FTSJ1: variants seen among roughly 807,000 people sequenced by gnomAD.
FTSJ1 encodes the protein tRNA (cytidine(32)/guanosine(34)-2'-O)-methyltransferase.
A neutral mutation model predicts 28.5 loss-of-function variants in FTSJ1; 3 were observed. The observed-to-expected ratio is 0.11, with a 90% CI of 0.05 to 0.27. The LOEUF (loss-of-function observed/expected upper bound fraction) is 0.27, where lower values mean the gene tolerates loss of function less well. Ranked by LOEUF, FTSJ1 falls within the 10% of genes least tolerant of loss-of-function variation. The pLI, the probability that FTSJ1 is intolerant of heterozygous loss-of-function variation, is 1.00. For missense variants in FTSJ1, 162 were observed against 279.0 expected (o/e 0.58, Z 2.99); for synonymous variants, 104 against 113.9 (o/e 0.91, Z 0.55).
chrX:48,481,986 C>T (rs2061572691), intron 9 of FTSJ1, among the ~76,000 whole-genome samples: 1 of 112,107 alleles, frequency 8.9e-6, no homozygotes, highest in Admixed American at 9.4e-5. Flanking sequence ...TGAGCCCTGC[C>T]CCAGTGGAGA....
chrX:48,482,935 A>G, intron 11 of FTSJ1, 51 bp from the exon 12 acceptor site: 1 of 1,209,113 alleles, frequency 8.3e-7, no homozygotes, highest in Non-Finnish European at 1.1e-6. Flanking sequence ...AAGCATAATG[A>G]ATGGAAAAGT....
intron 1 of FTSJ1, chrX:48,476,684 G>A (rs782147438): frequency 7.7e-6 from 1 of 130,073 alleles, no homozygotes. Context: ...GATGAGGAGG[G>A]ACGGGGAGTG....
In FTSJ1 at chrX:48,485,782, G is replaced by A. The variant is rs1556969946; in HGVS notation, c.*56G>A. The A allele has an allele frequency of 8.9e-6, 1 of 112,634 alleles. No homozygotes were observed. 9.3% of individuals were successfully genotyped at this position (112,634 alleles called of 1,213,427 possible). A position where few individuals can be genotyped will look rare whatever the true frequency, so the allele number is the denominator to read the frequency against. Reference sequence around the variant, plus strand: ...GAAACTGCTCAATGTCAGGAAAACCGGAACTTGTTGATGAACTTGTTTTCA... The same window carrying A: ...GAAACTGCTCAATGTCAGGAAAACCAGAACTTGTTGATGAACTTGTTTTCA... On this transcript the variant is annotated 3_prime_UTR_variant, in exon 13 of 13. Coordinates refer to ENST00000348411, the MANE Select transcript of FTSJ1 (RefSeq NM_012280.4).
chrX:48,478,308 C>A, intron 2 of FTSJ1, 140 bp downstream of exon 2: 1 of 836,899 alleles, frequency 1.2e-6, no homozygotes, highest in Non-Finnish European at 1.7e-6. Context: ...GGAAGATAGG[C>A]AGAATACCGG....
Position 48,478,187 on chromosome X carries a change from G to C in FTSJ1, c.121+19G>C. On this transcript the variant is annotated intron_variant, in intron 2 of 12. Transcript: ENST00000348411. ...TTCCAAGGTCCCTGACTGGTGGGCA[G>C]GTCACTGGGCGGTGAGGTGGGCACA... 8.3e-7 allele frequency: 1 copy of C among 1,199,244 alleles called. No homozygotes were observed. Among genetic ancestry groups the C allele is most frequent in the Non-Finnish European group, 1.1e-6 (1 of 886,749 alleles).
intron 1 of FTSJ1, 114 bp from the exon 2 acceptor site, chrX:48,477,847 C>T: frequency 2.0e-6 from 1 of 511,976 alleles, no homozygotes; most frequent in Non-Finnish European, 3.3e-6. Context: ...TCCTTCAGGC[C>T]CTATAAGGTC....
At chrX:48,485,022 G>A (rs1438242361) in intron 12 of FTSJ1, among the ~76,000 whole-genome samples, 8 of 111,726 alleles carry the variant, frequency 7.2e-5, no homozygotes, top group African/African-American at 2.0e-4. Context: ...GCCGGGTGCC[G>A]TGGCTCAACG....
In FTSJ1 at chrX:48,481,534, TG is replaced by T. The variant is rs782444762; in HGVS notation, c.571+10del. On this transcript the variant is annotated splice_region_variant and intron_variant, in intron 8 of 12. Transcript: ENST00000348411. ...CAGCCGGAACTCTAGCATCGGTCAG[TG>T]GGGTGGAGGGGCCAGGCAGGCAGAG... The T allele has an allele frequency of 5.3e-5, 63 of 1,198,192 alleles. No homozygotes were observed. Among genetic ancestry groups the T allele is most frequent in the Non-Finnish European group, 6.6e-5 (58 of 883,978 alleles).
At chrX:48,485,059 C>G (rs1436369283) in intron 12 of FTSJ1, among the ~76,000 whole-genome samples, 9 of 111,312 alleles carry the variant, frequency 8.1e-5, no homozygotes, top group Non-Finnish European at 1.7e-4. Flanking sequence ...TTTGGGAGGC[C>G]GAGGTGGGTG....
rs375666026 is a variant in FTSJ1 at position 48,483,077 on chromosome X, A to G, written c.*9+50A>G. 13 of 970,074 alleles carry G rather than the reference A, an allele frequency of 1.3e-5. No homozygotes were observed. The East Asian group carries it at 3.7e-4, about 27-fold the overall frequency. 79.9% of individuals were successfully genotyped at this position (970,074 alleles called of 1,213,427 possible). On this transcript the variant is annotated intron_variant, in intron 12 of 12. Coordinates refer to ENST00000348411, the MANE Select transcript of FTSJ1 (RefSeq NM_012280.4). The stretch of plus-strand genomic sequence containing the variant: ...GTTTGAGTAAGGGCAACCTTTATGA[A>G]AAACCTCAGTAAAATTTCACCTTTG...
At position 48,478,198 on chromosome X, in the gene FTSJ1, G is replaced by A. The variant is rs200231120; in HGVS notation, c.121+30G>A. 3.8e-4 allele frequency: 453 copies of A among 1,178,228 alleles called. 1 individual carries two copies. The African/African-American group carries it at 6.1e-3, about 16-fold the overall frequency. ...CTGACTGGTGGGCAGGTCACTGGGC[G>A]GTGAGGTGGGCACAGGAGGTAAACA... On this transcript the variant is annotated intron_variant, in intron 2 of 12. Coordinates refer to ENST00000348411, the MANE Select transcript of FTSJ1 (RefSeq NM_012280.4).
intron 1 of FTSJ1, among the ~76,000 whole-genome samples, chrX:48,477,685 G>A (rs2061541797): frequency 1.8e-5 from 2 of 110,978 alleles, no homozygotes; most frequent in African/African-American, 6.6e-5. Flanking sequence ...GAGTGTGGGT[G>A]ACAGTGATGG....
chrX:48,477,584 G>C (rs959866575), intron 1 of FTSJ1, among the ~76,000 whole-genome samples: 3 of 111,129 alleles, frequency 2.7e-5, no homozygotes, highest in Non-Finnish European at 5.7e-5. Flanking sequence ...AGGGGCAATG[G>C]GGACAACTGG....
At chrX:48,481,050 G>A in intron 5 of FTSJ1, 101 bp from the exon 6 acceptor site, 1 of 758,051 alleles carries the variant, frequency 1.3e-6, no homozygotes, top group Non-Finnish European at 2.0e-6. Context: ...AACCTTAGCA[G>A]TAAGACAGCC....
chrX:48,484,587 A>G, intron 12 of FTSJ1, among the ~76,000 whole-genome samples: 1 of 108,807 alleles, frequency 9.2e-6, no homozygotes, highest in Non-Finnish European at 1.9e-5. Flanking sequence ...GGGTTTCACC[A>G]TGTTGGCCAG....
At position 48,478,716 on chromosome X, in the gene FTSJ1, A is replaced by G; in HGVS notation, c.282+9A>G. On this transcript the variant is annotated intron_variant, in intron 4 of 12. Coordinates refer to ENST00000348411, the MANE Select transcript of FTSJ1 (RefSeq NM_012280.4). The stretch of plus-strand genomic sequence containing the variant: ...AGGGGGACATCACCCAGGTAAGAGC[A>G]TGGCTGAGGGTGTTGGGGTATATCC... 8.7e-7 allele frequency: 1 copy of G among 1,154,089 alleles called. No homozygotes were observed. Among genetic ancestry groups the G allele is most frequent in the South Asian group, 1.8e-5 (1 of 54,448 alleles).
chrX:48,481,789 C>A, intron 9 of FTSJ1, 74 bp downstream of exon 9: 1 of 660,793 alleles, frequency 1.5e-6, no homozygotes, highest in Non-Finnish European at 2.5e-6. Context: ...TGAGGGCCCA[C>A]AGTCTCACCC....
chrX:48,481,258 C>T (rs1556968412), intron 6 of FTSJ1, 31 bp from the exon 7 acceptor site: 1 of 1,205,286 alleles, frequency 8.3e-7, no homozygotes, highest in South Asian at 1.8e-5. Context: ...GCTGTCTCCA[C>T]CTCAGCCTCA....
Position 48,482,779 on chromosome X carries a change from C to G in FTSJ1, c.942C>G (p.Thr314=). 1 of 1,206,769 alleles carries G rather than the reference C, an allele frequency of 8.3e-7. No individual in the cohort carries two copies. Among genetic ancestry groups the G allele is most frequent in the African/African-American group, 1.7e-5 (1 of 57,522 alleles). The part of the protein sequence containing the change: ...PQPLAAPQCH[T]LLAPEMEDNE... Reference sequence around the variant, plus strand: ...CCCTGGCCGCCCCTCAGTGCCACACCCTGCTGGCCCCTGAGGTCTGGAAAT... The same window carrying G: ...CCCTGGCCGCCCCTCAGTGCCACACGCTGCTGGCCCCTGAGGTCTGGAAAT... The change falls in exon 11 of 13, where the codon ACC becomes ACG. Residue 314 remains threonine, a synonymous_variant. Coordinates refer to ENST00000348411, the MANE Select transcript of FTSJ1 (RefSeq NM_012280.4).
Sources: allele counts gnomAD v4.1 joint callset (sites outside exome capture counted in the v4.1 genomes callset), GRCh38; gene constraint gnomAD v4.1.1; transcripts MANE v1.5; gene names NCBI Gene and HGNC (gene_info 2026-07-23, HGNC 2026-07-21).